The following CCND1 variants were observed in gnomAD, a reference collection of about 807,000 sequenced individuals.
CCND1 encodes G1/S-specific cyclin-D1.
In CCND1, 9 loss-of-function variants were observed where a neutral mutation model predicts 26.1. The ratio of observed to expected loss-of-function variants is 0.35; its 90% CI spans 0.21 to 0.60. CCND1 has a LOEUF of 0.60. CCND1 is among the 20% of genes least tolerant of loss of function. The pLI, the probability that CCND1 is intolerant of heterozygous loss-of-function variation, is 0.79. For synonymous variants in CCND1, 194 were observed against 166.1 expected, an observed-to-expected ratio of 1.17 and a Z score of -1.29; for missense variants, 335 against 392.9, an observed-to-expected ratio of 0.85 and a Z score of 1.25.
At chr11:69,643,288 C>G in intron 2 of CCND1, 42 bp downstream of exon 2, 1 of 1,458,790 alleles carries the variant, frequency 6.9e-7, no homozygotes, top group Non-Finnish European at 9.3e-7. Flanking sequence ...CCGCGAGCCG[C>G]ACGCAGGACC....
intron 1 of CCND1, 28 bp from the exon 2 acceptor site, chr11:69,643,003 G>T: frequency 6.7e-7 from 1 of 1,494,184 alleles, no homozygotes; most frequent in Non-Finnish European, 9.0e-7. Context: ...ACCTGGCGGC[G>T]GCGGTCACGG....
rs1328638508 is a variant in CCND1, at chr11:69,652,737, A to G, written c.*1455A>G. On this transcript the variant is annotated 3_prime_UTR_variant, in exon 5 of 5. Transcript: ENST00000227507. ...TGCAGAGGATGTTCATAAGGCCAGT[A>G]TGATTTATAAATGCAATCTCCCCTT... 1 of 233,130 alleles carries G rather than the reference A, an allele frequency of 4.3e-6. No individual in the cohort carries two copies. The highest frequency in any genetic ancestry group is 8.5e-6 in the Non-Finnish European group (1 of 118,312). The allele number at this position is 233,130 out of a possible 1,614,324, so 14.4% of individuals were successfully genotyped here.
rs1418139762 is a variant in CCND1 at position 69,641,214 on chromosome 11, A to G, written c.-100A>G. ...GAGTCCGCACGCTCCGGCGAGGGGC[A>G]GAAGAGCGCGAGGGAGCGCGGGGCA... On this transcript the variant is annotated 5_prime_UTR_variant, in exon 1 of 5. Transcript: ENST00000227507. The G allele has an allele frequency of 3.4e-6, 4 of 1,186,464 alleles. No homozygotes were observed. The highest frequency in any genetic ancestry group is 4.9e-6 in the Non-Finnish European group (4 of 812,098). 73.5% of individuals were successfully genotyped at this position (1,186,464 alleles called of 1,614,324 possible). A position where few individuals can be genotyped will look rare whatever the true frequency, so the allele number is the denominator to read the frequency against.
chr11:69,653,994 G>A lies in CCND1; in HGVS notation c.*2712G>A. 1 of 596,686 alleles carries A rather than the reference G, an allele frequency of 1.7e-6. No homozygotes were observed. Among genetic ancestry groups the A allele is most frequent in the South Asian group, 2.0e-5 (1 of 50,030 alleles). 37.0% of individuals were successfully genotyped at this position (596,686 alleles called of 1,614,324 possible). A position where few individuals can be genotyped will look rare whatever the true frequency, so the allele number is the denominator to read the frequency against. ...CTCAATGAAGCCAGCTCACAGTGCT[G>A]TGTGCCCCGGTCACCTAGCAAGCTG... On this transcript the variant is annotated 3_prime_UTR_variant, in exon 5 of 5. Transcript: ENST00000227507.
rs376479535 is a variant in CCND1 at position 69,646,556 on chromosome 11, C to T, written c.575-1438C>T. Among the ~76,000 whole-genome samples the T allele has an allele frequency of 1.1e-4, 16 of 152,276 alleles. No homozygotes were observed. In the South Asian group the frequency reaches 2.9e-3, roughly 28 times the overall value. ...CCTTGTTCCCGGGCGCTCAGTGGCG[C>T]GAGATGAGGCGATGGGGCCGACAAA... On this transcript the variant is annotated intron_variant, in intron 3 of 4. Coordinates refer to ENST00000227507, the MANE Select transcript of CCND1 (RefSeq NM_053056.3).
Position 69,651,356 on chromosome 11 carries a change from C to CCCTCCTCT in CCND1, c.*77_*84dup. 8.0e-7 allele frequency: 1 copy of CCCTCCTCT among 1,255,556 alleles called. No individual in the cohort carries two copies. Among genetic ancestry groups the CCCTCCTCT allele is most frequent in the Non-Finnish European group, 1.0e-6 (1 of 953,492 alleles). The allele number at this position is 1,255,556 out of a possible 1,614,324, so 77.8% of individuals were successfully genotyped here. A position where few individuals can be genotyped will look rare whatever the true frequency, so the allele number is the denominator to read the frequency against. ...CGGCCCCAGGTGCTCCCCTGACAGT[C>CCCTCCTCT]CCTCCTCTCCGGAGCATTTTGATAC... On this transcript the variant is annotated 3_prime_UTR_variant, in exon 5 of 5. Coordinates refer to ENST00000227507, the MANE Select transcript of CCND1 (RefSeq NM_053056.3).
intron 4 of CCND1, 35 bp from the exon 5 acceptor site, chr11:69,651,083 C>T (rs1855847733): frequency 6.3e-7 from 1 of 1,596,210 alleles, no homozygotes; most frequent in Admixed American, 1.7e-5. Context: ...CTAAGGACCC[C>T]CTCTTCCCAC....
rs920305726 is a variant in CCND1, at chr11:69,654,471, C to T, written c.*3189C>T. The T allele has an allele frequency of 1.5e-6, 1 of 645,860 alleles. No individual in the cohort carries two copies. The highest frequency in any genetic ancestry group is 2.7e-5 in the East Asian group (1 of 36,776). The allele number at this position is 645,860 out of a possible 1,614,324, so 40.0% of individuals were successfully genotyped here. A position where few individuals can be genotyped will look rare whatever the true frequency, so the allele number is the denominator to read the frequency against. ...AGTCTAGAAATAAAACTGGTAAAAC[C>T]CCAGCGTGGTGCCTGCCTCTTTGCT... On this transcript the variant is annotated 3_prime_UTR_variant, in exon 5 of 5. Transcript: ENST00000227507. This position sits in a 1 kb window ranked among gnomAD's most constrained non-coding sequence, Gnocchi z 6.3.
chr11:69,642,412 G>T (rs943500306), intron 1 of CCND1, among the ~76,000 whole-genome samples: 10 of 151,424 alleles, frequency 6.6e-5, no homozygotes, highest in Non-Finnish European at 1.2e-4. Context: ...AGAGGGAAAC[G>T]CCGCCCGCGC....
Position 69,653,239 on chromosome 11 carries a change from T to C in CCND1, c.*1957T>C, listed in dbSNP as rs908050805. ...GACAGGCCGCAGCTCCATTTTCTTATTGCGCTGCTACCGTTGACTTCCAGG... is the reference window on the plus strand; with the variant it reads ...GACAGGCCGCAGCTCCATTTTCTTACTGCGCTGCTACCGTTGACTTCCAGG... On this transcript the variant is annotated 3_prime_UTR_variant, in exon 5 of 5. Coordinates refer to ENST00000227507, the MANE Select transcript of CCND1 (RefSeq NM_053056.3). 16 of 701,016 alleles carry C rather than the reference T, an allele frequency of 2.3e-5. No homozygotes were observed. The highest frequency in any genetic ancestry group is 6.1e-5 in the Admixed American group (3 of 49,500). 43.4% of individuals were successfully genotyped at this position (701,016 alleles called of 1,614,324 possible). A position where few individuals can be genotyped will look rare whatever the true frequency, so the allele number is the denominator to read the frequency against.
rs1383297190 is a variant in CCND1 at position 69,652,528 on chromosome 11, CCTTTT to C, written c.*1251_*1255del. 1.3e-5 allele frequency: 3 copies of C among 233,266 alleles called. No individual in the cohort carries two copies. The highest frequency in any genetic ancestry group is 1.7e-5 in the Non-Finnish European group (2 of 118,058). The allele number at this position is 233,266 out of a possible 1,614,324, so 14.4% of individuals were successfully genotyped here. On this transcript the variant is annotated 3_prime_UTR_variant, in exon 5 of 5. Transcript: ENST00000227507. ...CATTGCCAGGATGATAAGTTCCTTT[CCTTTT>C]CTTTAAAGAAGTTGAAGTTTAGGAA... is the stretch of plus-strand genomic sequence containing the variant.
chr11:69,649,594 A>G (rs1255688246), intron 4 of CCND1, among the ~76,000 whole-genome samples: 3 of 152,250 alleles, frequency 2.0e-5, no homozygotes, highest in African/African-American at 7.2e-5. Context: ...TCGGGTGCGC[A>G]GTGCCACACA....
rs769045064 is a variant in CCND1 at position 69,643,038 on chromosome 11, A to G, written c.206A>G (p.Glu69Gly). ...GGCCCCGTGCCTCCGTAGGTCTGCG[A>G]GGAACAGAAGTGCGAGGAGGAGGTC... ...IVATWMLEVC[E>G]EQKCEEEVFP... The change falls in exon 2 of 5, where the codon GAG becomes GGG. Residue 69 changes from glutamate to glycine, a missense_variant. Coordinates refer to ENST00000227507, the MANE Select transcript of CCND1 (RefSeq NM_053056.3). The G allele has an allele frequency of 1.3e-6, 2 of 1,594,190 alleles. No homozygotes were observed. Among genetic ancestry groups the G allele is most frequent in the Non-Finnish European group, 1.7e-6 (2 of 1,170,338 alleles).
Position 69,651,198 on chromosome 11 carries a change from C to T in CCND1, c.804C>T (p.Pro268=), listed in dbSNP as rs142097909. ...GCCAGGCCCAGCAGAACATGGACCCCAAGGCCGCCGAGGAGGAGGAAGAGG... is the reference window on the plus strand; with the variant it reads ...GCCAGGCCCAGCAGAACATGGACCCTAAGGCCGCCGAGGAGGAGGAAGAGG... ...SLRQAQQNMD[P]KAAEEEEEEE... The change falls in exon 5 of 5, where the codon CCC becomes CCT. Residue 268 remains proline (P), a synonymous_variant. Transcript: ENST00000227507. 101 of 1,608,510 alleles carry T rather than the reference C, an allele frequency of 6.3e-5. No individual in the cohort carries two copies. Among genetic ancestry groups the T allele is most frequent in the Non-Finnish European group, 8.2e-5 (97 of 1,176,986 alleles).
intron 4 of CCND1, 37 bp from the exon 5 acceptor site, chr11:69,651,081 C>G (rs1266274197): frequency 1.3e-5 from 20 of 1,593,630 alleles, no homozygotes; most frequent in Non-Finnish European, 1.7e-5. Context: ...TTCTAAGGAC[C>G]CCCTCTTCCC....
rs376382983 is a variant in CCND1, at chr11:69,651,440, C to A, written c.*158C>A. Reference sequence around the variant, plus strand: ...TTGTTTTTTCCTTTGCTCTTTCCCCCTTCCATCTCTGACTTAAGCAAAAGA... The same window carrying A: ...TTGTTTTTTCCTTTGCTCTTTCCCCATTCCATCTCTGACTTAAGCAAAAGA... On this transcript the variant is annotated 3_prime_UTR_variant, in exon 5 of 5. Transcript: ENST00000227507. 247 of 568,422 alleles carry A rather than the reference C, an allele frequency of 4.3e-4. 2 individuals carry two copies. The South Asian group carries it at 9.6e-3, about 22-fold the overall frequency. The allele number at this position is 568,422 out of a possible 1,614,324, so 35.2% of individuals were successfully genotyped here. A position where few individuals can be genotyped will look rare whatever the true frequency, so the allele number is the denominator to read the frequency against.
At chr11:69,644,101 A>T (rs1565071431) in intron 3 of CCND1, 110 bp downstream of exon 3, 1 of 1,062,798 alleles carries the variant, frequency 9.4e-7, no homozygotes, top group Admixed American at 1.9e-5. Context: ...ATGTCCCCAG[A>T]CCCCCTCCTG....
chr11:69,642,048 G>T (rs943345625), intron 1 of CCND1, among the ~76,000 whole-genome samples: 4 of 152,120 alleles, frequency 2.6e-5, no homozygotes, highest in Non-Finnish European at 5.9e-5. Context: ...GCCGCCGGGC[G>T]CTGGGGCCGC....
At position 69,643,243 on chromosome 11, in the gene CCND1, G is replaced by T; in HGVS notation, c.411G>T (p.Leu137=). 1 of 1,575,144 alleles carries T rather than the reference G, an allele frequency of 6.3e-7. No homozygotes were observed. The highest frequency in any genetic ancestry group is 8.6e-7 in the Non-Finnish European group (1 of 1,161,684). ...YTDNSIRPEE[L]LQMELLLVNK... ...ACAACTCCATCCGGCCCGAGGAGCT[G>T]CTGGTAACCACTGGACCCCGCCGCC... The change falls in exon 2 of 5, where the codon CTG becomes CTT. Residue 137 remains leucine (L), a synonymous_variant. Coordinates refer to ENST00000227507, the MANE Select transcript of CCND1 (RefSeq NM_053056.3).
Sources: allele counts gnomAD v4.1 joint callset (sites outside exome capture counted in the v4.1 genomes callset), GRCh38; gene constraint gnomAD v4.1.1; non-coding constraint Gnocchi (gnomAD v3.1); transcripts MANE v1.5; gene names NCBI Gene and HGNC (gene_info 2026-07-23, HGNC 2026-07-21).